PRH1: variants seen among roughly 807,000 people sequenced by gnomAD.
PRH1 encodes the protein salivary acidic proline-rich phosphoprotein 1/2.
A neutral mutation model predicts 7.9 loss-of-function variants in PRH1; 7 were observed. The ratio of observed to expected loss-of-function variants is 0.89; its 90% CI spans 0.50 to 1.67. The LOEUF is 1.67. Ranked by LOEUF, PRH1 falls within the 40% of genes most tolerant of loss-of-function variation. The pLI is 0.00. For missense variants in PRH1, 109 were observed against 223.6 expected (o/e 0.49, Z 3.27); for synonymous variants, 45 against 80.8 (o/e 0.56, Z 2.38).
intron 2 of PRH1, among the ~76,000 whole-genome samples, chr12:10,916,331 C>T (rs550287349): frequency 2.6e-5 from 4 of 152,198 alleles, no homozygotes; most frequent in Admixed American, 2.6e-4. Context: ...ACAGAAAAAC[C>T]ATATCAAACC....
At chr12:11,149,237 G>A (rs1380525954) in intron 1 of PRH1, among the ~76,000 whole-genome samples, 1 of 152,006 alleles carries the variant, frequency 6.6e-6, no homozygotes, top group African/African-American at 2.4e-5. Flanking sequence ...CAAAAAACCA[G>A]CTCCTGGATT....
chr12:11,075,706 C>A (rs1944259743), intron 1 of PRH1, among the ~76,000 whole-genome samples: 1 of 124,588 alleles, frequency 8.0e-6, no homozygotes, highest in Non-Finnish European at 1.9e-5. Context: ...AGCTATATTA[C>A]AGTGATACTT....
At chr12:11,146,620 G>C (rs1392745482) in intron 1 of PRH1, among the ~76,000 whole-genome samples, 3 of 151,858 alleles carry the variant, frequency 2.0e-5, no homozygotes, top group Non-Finnish European at 4.4e-5. Flanking sequence ...TTTATGTTTC[G>C]TGGTTTTTGT....
In PRH1 at chr12:11,008,633, A is replaced by G. The variant is rs1372872415; in HGVS notation, c.-125-34912T>C. ...GAACTGTGTATAGGTGCAATCCTAT[A>G]TGTTCTTATTCATGGCTTCCTGGAC... is the stretch of plus-strand genomic sequence containing the variant. On this transcript the variant is annotated intron_variant, in intron 1 of 3. Transcript: ENST00000539853. 2.0e-5 allele frequency among the ~76,000 whole-genome samples: 3 copies of G among 152,174 alleles called. No homozygotes were observed. In the East Asian group the frequency reaches 5.8e-4, roughly 29 times the overall value.
chr12:10,960,326 G>A (rs75042059), intron 2 of PRH1, among the ~76,000 whole-genome samples: 2,182 of 152,284 alleles, frequency 0.014, 65 homozygotes, highest in African/African-American at 0.049. Flanking sequence ...CACTGGGGGT[G>A]GTAGTACATT....
upstream of PRH1, chr12:11,048,912 G>GGTGGAGAAAAATAAGT (rs1943023215): frequency 3.7e-6 from 1 of 273,206 alleles, no homozygotes; most frequent in Admixed American, 3.9e-5. Context: ...GAAAAATAAG[G>GGTGGAGAAAAATAAGT]TTGGAGAAAT....
intron 1 of PRH1, among the ~76,000 whole-genome samples, chr12:11,111,806 G>T (rs1592035407): frequency 1.3e-5 from 2 of 152,280 alleles, no homozygotes; most frequent in African/African-American, 4.8e-5. Context: ...TAAGGTCAGA[G>T]CACAACTGAA....
At chr12:11,099,085 G>C (rs1945150277) in intron 1 of PRH1, among the ~76,000 whole-genome samples, 1 of 152,042 alleles carries the variant, frequency 6.6e-6, no homozygotes, top group Admixed American at 6.5e-5. Flanking sequence ...GAATTCCTGA[G>C]TACCCGACCC....
At chr12:11,062,455 C>A (rs538178368) in intron 1 of PRH1, among the ~76,000 whole-genome samples, 33 of 152,206 alleles carry the variant, frequency 2.2e-4, no homozygotes, top group African/African-American at 7.9e-4. Context: ...AGCCAGAAAT[C>A]ACCATGGCAT....
intron 1 of PRH1, among the ~76,000 whole-genome samples, chr12:11,033,153 G>C (rs527862078): frequency 1.4e-4 from 21 of 152,076 alleles, no homozygotes; most frequent in Non-Finnish European, 2.8e-4. Context: ...CAGATTACGA[G>C]GTCAAGAGAT....
intron 1 of PRH1, among the ~76,000 whole-genome samples, chr12:10,974,983 A>G (rs1019514429): frequency 1.3e-5 from 2 of 152,222 alleles, no homozygotes; most frequent in Non-Finnish European, 2.9e-5. Context: ...AAAAACTAAC[A>G]TCAAGAATTT....
intron 1 of PRH1, among the ~76,000 whole-genome samples, chr12:11,043,826 A>C (rs1942810586): frequency 6.6e-6 from 1 of 152,310 alleles, no homozygotes. Context: ...GTCCATGTCC[A>C]TGGATTAGAA....
chr12:10,903,572 C>A (rs1193137422), intron 2 of PRH1, among the ~76,000 whole-genome samples: 1 of 151,834 alleles, frequency 6.6e-6, no homozygotes, highest in Non-Finnish European at 1.5e-5. Context: ...GCTAACATTA[C>A]ACTGAACATG....
At chr12:10,899,087 G>A (rs1949688672) in intron 2 of PRH1, among the ~76,000 whole-genome samples, 1 of 152,196 alleles carries the variant, frequency 6.6e-6, no homozygotes, top group Admixed American at 6.5e-5. Flanking sequence ...CTCCCTTTTG[G>A]AATGAGAATG....
intron 1 of PRH1, among the ~76,000 whole-genome samples, chr12:11,018,862 C>T (rs1048061230): frequency 1.3e-4 from 20 of 152,256 alleles, no homozygotes; most frequent in African/African-American, 4.8e-4. Flanking sequence ...AAGGAGAGAT[C>T]CCTCGTGGAG....
intron 2 of PRH1, among the ~76,000 whole-genome samples, chr12:10,949,565 T>C (rs1375073976): frequency 6.6e-6 from 1 of 152,250 alleles, no homozygotes; most frequent in Non-Finnish European, 1.5e-5. Context: ...ACTATGCTTC[T>C]TTGTTAAGAA....
At chr12:10,914,056 T>C (rs943519301) in intron 2 of PRH1, among the ~76,000 whole-genome samples, 2 of 152,216 alleles carry the variant, frequency 1.3e-5, no homozygotes, top group Non-Finnish European at 2.9e-5. Flanking sequence ...ACTGGCTTAA[T>C]ACTTGATTCA....
chr12:11,022,868 A>AT (rs61624520), intron 1 of PRH1, among the ~76,000 whole-genome samples: 68,949 of 151,796 alleles, frequency 0.45, 16,449 homozygotes, highest in Non-Finnish European at 0.52. Context: ...GAAGTGGAAA[A>AT]TGAATTCTCA....
At chr12:11,036,531 C>T (rs2060704) in intron 1 of PRH1, among the ~76,000 whole-genome samples, 151,661 of 152,360 alleles carry the variant, frequency 1, 75,485 homozygotes, top group Non-Finnish European at 1. Context: ...AAATGTGTTA[C>T]TCGCTTTATC....
Sources: gnomAD v4.1 joint callset for allele counts (sites outside exome capture counted in the v4.1 genomes callset) on GRCh38, gnomAD v4.1.1 for gene constraint, MANE v1.5 for transcripts, NCBI Gene and HGNC (gene_info 2026-07-23, HGNC 2026-07-21) for gene names.